Variants in XKR6 observed in about 807,000 individuals in gnomAD.
XKR6 encodes the protein XK related 6, also known as XK-related protein 6.
In XKR6, 22 loss-of-function variants were observed where a neutral mutation model predicts 56.7. That is an observed-to-expected ratio of 0.39 (90% CI 0.28 to 0.55). XKR6 has a LOEUF of 0.55. XKR6 is among the 20% of genes least tolerant of loss of function. The probability of loss-of-function intolerance (pLI) is 0.66; values close to 1 mark genes in which losing one functional copy is unlikely to be tolerated. For missense variants in XKR6, 852 were observed against 889.0 expected (o/e 0.96, Z 0.53); for synonymous variants, 524 against 387.8 (o/e 1.35, Z -4.13).
At chr8:11,162,333 G>A (rs767084664) in intron 1 of XKR6, among the ~76,000 whole-genome samples, 2 of 152,180 alleles carry the variant, frequency 1.3e-5, no homozygotes, top group African/African-American at 2.4e-5. Context: ...GCCCTGAAGA[G>A]CTACACTCCA....
intron 1 of XKR6, among the ~76,000 whole-genome samples, chr8:11,178,061 G>T (rs928603808): frequency 2.0e-5 from 3 of 152,156 alleles, no homozygotes; most frequent in Non-Finnish European, 4.4e-5. Context: ...AAAGCAGAGT[G>T]CAGGGCCTAG....
At chr8:11,034,589 T>G (rs1400368421) in intron 1 of XKR6, among the ~76,000 whole-genome samples, 1 of 152,176 alleles carries the variant, frequency 6.6e-6, no homozygotes, top group Non-Finnish European at 1.5e-5. Context: ...ACATGCACCT[T>G]AGACAGGTCA....
At chr8:10,904,336 T>C (rs974657098) in intron 2 of XKR6, among the ~76,000 whole-genome samples, 4 of 152,042 alleles carry the variant, frequency 2.6e-5, no homozygotes, top group African/African-American at 4.8e-5. Flanking sequence ...GAAAGGGCCT[T>C]TGGGCTCTGA....
intron 1 of XKR6, among the ~76,000 whole-genome samples, chr8:11,127,787 A>G (rs904202271): frequency 7.9e-5 from 12 of 152,112 alleles, no homozygotes; most frequent in African/African-American, 2.9e-4. Context: ...AGGTCTGGGG[A>G]TTGGAATATG....
chr8:11,119,053 C>T (rs917728009), intron 1 of XKR6, among the ~76,000 whole-genome samples: 2 of 151,748 alleles, frequency 1.3e-5, no homozygotes, highest in African/African-American at 2.4e-5. Flanking sequence ...TTTCTGCCTT[C>T]ATTTCATGAT....
intron 1 of XKR6, among the ~76,000 whole-genome samples, chr8:11,096,446 A>G (rs114664349): frequency 1.9e-4 from 29 of 152,338 alleles, no homozygotes; most frequent in African/African-American, 7.0e-4. Context: ...TTTAATTTCT[A>G]ATTTTTTGCA....
At chr8:10,905,282 C>T (rs1563279976) in intron 2 of XKR6, among the ~76,000 whole-genome samples, 1 of 152,162 alleles carries the variant, frequency 6.6e-6, no homozygotes, top group Admixed American at 6.5e-5. Flanking sequence ...TCAGGTCGTG[C>T]GGCATTCGGA....
intron 1 of XKR6, among the ~76,000 whole-genome samples, chr8:11,066,290 C>T (rs557043761): frequency 3.9e-5 from 6 of 152,184 alleles, no homozygotes; most frequent in Non-Finnish European, 8.8e-5. Context: ...CTATTTTTAG[C>T]CTTCATTTCT....
chr8:11,110,116 G>A (rs562181385), intron 1 of XKR6, among the ~76,000 whole-genome samples: 4 of 152,146 alleles, frequency 2.6e-5, no homozygotes, highest in Admixed American at 6.5e-5. Context: ...GGGATTACAG[G>A]TGCCCGCCAC....
chr8:10,953,447 T>C (rs1273281851), intron 1 of XKR6, among the ~76,000 whole-genome samples: 1 of 152,148 alleles, frequency 6.6e-6, no homozygotes, highest in East Asian at 1.9e-4. Flanking sequence ...CAAATGCCCA[T>C]GTTATGCCTC....
intron 1 of XKR6, among the ~76,000 whole-genome samples, chr8:11,011,422 G>A (rs1288033399): frequency 1.3e-5 from 2 of 152,210 alleles, no homozygotes; most frequent in African/African-American, 2.4e-5. Flanking sequence ...TGGAAAGCAG[G>A]TGAGCACCAG....
At chr8:10,986,520 T>G (rs1317155262) in intron 1 of XKR6, among the ~76,000 whole-genome samples, 1 of 152,146 alleles carries the variant, frequency 6.6e-6, no homozygotes, top group Non-Finnish European at 1.5e-5. Context: ...AATTTTTTTC[T>G]TACAAAAGAT....
chr8:10,979,921 C>A (rs149706159), intron 1 of XKR6, among the ~76,000 whole-genome samples: 2 of 152,192 alleles, frequency 1.3e-5, no homozygotes, highest in African/African-American at 2.4e-5. Flanking sequence ...TCTATTGTGA[C>A]CCCAAGGGAA....
At chr8:11,109,811 T>G (rs536637023) in intron 1 of XKR6, 1 of 152,216 alleles carries the variant, frequency 6.6e-6, no homozygotes, top group Admixed American at 6.5e-5. Context: ...GTCAATATTG[T>G]GGCTAGAACT....
At chr8:10,963,332 A>C (rs531567442) in intron 1 of XKR6, among the ~76,000 whole-genome samples, 63 of 152,288 alleles carry the variant, frequency 4.1e-4, no homozygotes, top group African/African-American at 1.5e-3. Context: ...CCCTGTTTAA[A>C]AGAGCAGCCC....
intron 1 of XKR6, among the ~76,000 whole-genome samples, chr8:11,023,164 G>C (rs1798784901): frequency 6.6e-6 from 1 of 152,236 alleles, no homozygotes; most frequent in Non-Finnish European, 1.5e-5. Context: ...CAGGTGGAAA[G>C]CTGGGGAGGG....
At chr8:11,099,784 TATA>T (rs1345664479) in intron 1 of XKR6, among the ~76,000 whole-genome samples, 2 of 151,996 alleles carry the variant, frequency 1.3e-5, no homozygotes, top group Non-Finnish European at 2.9e-5. Context: ...GAGACAAAAC[TATA>T]ATGTGAGGTC....
intron 1 of XKR6, among the ~76,000 whole-genome samples, chr8:11,010,060 A>T (rs1031470348): frequency 6.6e-6 from 1 of 152,238 alleles, no homozygotes; most frequent in Non-Finnish European, 1.5e-5. Context: ...GGTTCTGCAG[A>T]CTGTACAGGA....
chr8:10,982,831 G>C (rs1054084888), intron 1 of XKR6, among the ~76,000 whole-genome samples: 7 of 152,208 alleles, frequency 4.6e-5, no homozygotes, highest in African/African-American at 1.7e-4. Flanking sequence ...CGTATTCAGA[G>C]AGCGCAGCCC....
Sources: gnomAD v4.1 joint callset for allele counts (sites outside exome capture counted in the v4.1 genomes callset) on GRCh38, gnomAD v4.1.1 for gene constraint, MANE v1.5 for transcripts, NCBI Gene and HGNC (gene_info 2026-07-23, HGNC 2026-07-21) for gene names.